The following SPATA7 variants were observed in gnomAD, a reference collection of about 807,000 sequenced individuals.
SPATA7 encodes the protein spermatogenesis-associated protein 7.
SPATA7 carries 43 observed loss-of-function variants against 51.8 expected under a neutral mutation model. That is an observed-to-expected ratio of 0.83 (90% CI 0.65 to 1.07). The LOEUF is 1.07. SPATA7 is among the 50% of genes least tolerant of loss of function. SPATA7 has a pLI of 0.00. For synonymous variants in SPATA7, 230 were observed against 252.8 expected (o/e 0.91, Z 0.86); for missense variants, 683 against 701.3 (o/e 0.97, Z 0.30).
intron 5 of SPATA7, among the ~76,000 whole-genome samples, chr14:88,417,468 G>C (rs1454423017): frequency 6.6e-6 from 1 of 151,782 alleles, no homozygotes; most frequent in African/African-American, 2.4e-5. Flanking sequence ...CACGACTCCA[G>C]CTAATTTTTG....
At chr14:88,465,137 A>ATGAC (rs1216928395) in intron 4 of SPATA7, among the ~76,000 whole-genome samples, 1 of 152,198 alleles carries the variant, frequency 6.6e-6, no homozygotes, top group Non-Finnish European at 1.5e-5. Context: ...GAAGAAATTA[A>ATGAC]TGACTACAAT....
rs144711493 is a variant in SPATA7 at position 88,424,883 on chromosome 14, G to T, written c.373-1349G>T. 2.0e-3 allele frequency among the ~76,000 whole-genome samples: 300 copies of T among 152,258 alleles called. 2 individuals carry two copies. Among genetic ancestry groups the T allele is most frequent in the African/African-American group, 6.7e-3 (277 of 41,558 alleles). On this transcript the variant is annotated intron_variant, in intron 5 of 11. Transcript: ENST00000393545. ...ACATATTTTAGATAGTAGTCACAAT[G>T]TCCAGTTATCTGCAATTTTTTTGCT...
chr14:88,389,889 T>G (rs377444331), intron 1 of SPATA7, among the ~76,000 whole-genome samples: 1 of 152,232 alleles, frequency 6.6e-6, no homozygotes, highest in Non-Finnish European at 1.5e-5. Flanking sequence ...GGGAATAAAC[T>G]ACATACAGCT....
chr14:88,423,460 G>A (rs1391941740), intron 5 of SPATA7, among the ~76,000 whole-genome samples: 1 of 151,198 alleles, frequency 6.6e-6, no homozygotes. Flanking sequence ...GGAGGCTGAG[G>A]CAGGCAGATT....
intron 4 of SPATA7, among the ~76,000 whole-genome samples, chr14:88,398,248 G>C (rs2075951653): frequency 2.0e-5 from 3 of 151,668 alleles, no homozygotes; most frequent in Admixed American, 1.3e-4. Context: ...AACAATGATA[G>C]ACTGGATTAA....
Position 88,416,736 on chromosome 14 carries a change from A to G in SPATA7, c.264A>G (p.Lys88=), listed in dbSNP as rs1331598579. ...IKYADQQRRE[K]LKKELAQCEK... ...ATGCAGACCAACAACGAAGAGAGAA[A>G]CTCAAAAAGGAATTAGCACAATGTG... Residue 88 remains lysine (K), a synonymous_variant, in exon 5 of 12, where the codon AAA becomes AAG. Transcript: ENST00000393545. The G allele has an allele frequency of 1.1e-5, 17 of 1,613,456 alleles. No individual in the cohort carries two copies. In the East Asian group the frequency reaches 3.8e-4, roughly 36 times the overall value.
At chr14:88,397,139 C>A (rs149624581) in intron 4 of SPATA7, among the ~76,000 whole-genome samples, 306 of 152,342 alleles carry the variant, frequency 2.0e-3, no homozygotes, top group African/African-American at 7.0e-3. Context: ...ATCCACCTGA[C>A]TCAGTCCCCC....
chr14:88,443,833 A>G (rs1371423324), intron 3 of SPATA7, among the ~76,000 whole-genome samples: 2 of 152,248 alleles, frequency 1.3e-5, no homozygotes, highest in South Asian at 4.2e-4. Context: ...TTATGGCTGC[A>G]TAGTATTGCA....
rs773460135 is a variant in SPATA7, at chr14:88,438,184, A to G, written c.1562A>G (p.Asp521Gly). Residue 521 changes from aspartate to glycine, a missense_variant, in exon 12 of 12, where the codon GAT becomes GGT. Asp to Gly is a moderately conservative substitution (Grantham distance 94, BLOSUM62 -1). Transcript: ENST00000393545. ...DETNLETSTL[D>G]ENHPSISDSL... ...ACAAATCTTGAAACTTCAACTTTGG[A>G]TGAAAATCATCCAAGTATTTCAGAC... 1.2e-6 allele frequency: 2 copies of G among 1,613,800 alleles called. No homozygotes were observed. Among genetic ancestry groups the G allele is most frequent in the African/African-American group, 1.3e-5 (1 of 75,046 alleles).
chr14:88,387,952 G>A (rs2075627854), intron 1 of SPATA7, among the ~76,000 whole-genome samples: 2 of 152,216 alleles, frequency 1.3e-5, no homozygotes, highest in South Asian at 4.2e-4. Context: ...TTTTTTCCCA[G>A]CACTCTGGGA....
At chr14:88,464,322 CT>C (rs1386483996) in intron 4 of SPATA7, among the ~76,000 whole-genome samples, 1 of 152,080 alleles carries the variant, frequency 6.6e-6, no homozygotes, top group Non-Finnish European at 1.5e-5. Flanking sequence ...AATTTAGATT[CT>C]TTTTTTAAAA....
intron 7 of SPATA7, 177 bp from the exon 8 acceptor site, chr14:88,429,165 CTTTAAG>C (rs535330433): frequency 7.5e-4 from 312 of 414,462 alleles, no homozygotes; most frequent in African/African-American, 1.5e-3. Flanking sequence ...GTCATTTTAT[CTTTAAG>C]TTTAAGAAAA....
intron 7 of SPATA7, 173 bp downstream of exon 7, chr14:88,427,869 C>T (rs931618833): frequency 9.6e-6 from 5 of 522,158 alleles, no homozygotes; most frequent in Non-Finnish European, 1.7e-5. Context: ...TTATAGCTCT[C>T]TCTGAATGGC....
At chr14:88,419,417 T>G (rs2076574310) in intron 5 of SPATA7, among the ~76,000 whole-genome samples, 1 of 152,148 alleles carries the variant, frequency 6.6e-6, no homozygotes, top group Admixed American at 6.5e-5. Context: ...TATATCATTT[T>G]CCATTTTTTG....
chr14:88,432,854 CTTTT>C lies in SPATA7; in HGVS notation c.1083-279_1083-276del, dbSNP rs772045115. The stretch of plus-strand genomic sequence containing the variant: ...ATTGCGCCTTGTCCTTCGTTGCTTT[CTTTT>C]TGTGTTGTTTAATTCTGCTTGTTTT... On this transcript the variant is annotated intron_variant, in intron 9 of 11. Coordinates refer to ENST00000393545, the MANE Select transcript of SPATA7 (RefSeq NM_018418.5). 9 of 306,090 alleles carry C rather than the reference CTTTT, an allele frequency of 2.9e-5. No homozygotes were observed. In the East Asian group the frequency reaches 5.1e-4, roughly 17 times the overall value. 19.0% of individuals were successfully genotyped at this position (306,090 alleles called of 1,614,324 possible).
intron 5 of SPATA7, among the ~76,000 whole-genome samples, chr14:88,424,493 A>G (rs566857466): frequency 6.6e-6 from 1 of 152,278 alleles, no homozygotes; most frequent in Admixed American, 6.5e-5. Context: ...TTAAATAACC[A>G]TTACCGATAA....
chr14:88,398,608 A>G (rs1341408167), intron 4 of SPATA7, among the ~76,000 whole-genome samples: 2 of 146,096 alleles, frequency 1.4e-5, no homozygotes, highest in African/African-American at 5.1e-5. Flanking sequence ...GTGCACATGT[A>G]CCCTAAAACT....
intron 2 of SPATA7, among the ~76,000 whole-genome samples, chr14:88,392,866 T>C (rs2075780133): frequency 6.7e-6 from 1 of 149,464 alleles, no homozygotes; most frequent in African/African-American, 2.6e-5. Flanking sequence ...GGAATTTCTT[T>C]GCGATTACAC....
intron 4 of SPATA7, among the ~76,000 whole-genome samples, chr14:88,461,243 C>T (rs1185912048): frequency 3.3e-5 from 5 of 152,210 alleles, no homozygotes; most frequent in Non-Finnish European, 5.9e-5. Flanking sequence ...AGCTGTCAGA[C>T]AGGGACATTT....
Sources: gnomAD v4.1 joint callset for allele counts (sites outside exome capture counted in the v4.1 genomes callset) on GRCh38, gnomAD v4.1.1 for gene constraint, MANE v1.5 for transcripts, NCBI Gene and HGNC (gene_info 2026-07-23, HGNC 2026-07-21) for gene names.